EFCAB8: variants seen among roughly 807,000 people sequenced by gnomAD.
EFCAB8 encodes EF-hand calcium-binding domain-containing protein 8.
In EFCAB8, 100 loss-of-function variants were observed where a neutral mutation model predicts 116.3. The observed-to-expected ratio is 0.86, with a 90% CI of 0.73 to 1.02. EFCAB8 has a LOEUF of 1.02. Ranked by LOEUF, EFCAB8 falls within the 50% of genes least tolerant of loss-of-function variation. The probability of loss-of-function intolerance (pLI) is 0.00; values close to 1 mark genes in which losing one functional copy is unlikely to be tolerated. For missense variants in EFCAB8, 1,320 were observed against 1,416.9 expected (o/e 0.93, Z 1.10); for synonymous variants, 558 against 567.9 (o/e 0.98, Z 0.25).
At chr20:32,947,351 A>G (rs1355233624) in intron 23 of EFCAB8, among the ~76,000 whole-genome samples, 2 of 152,258 alleles carry the variant, frequency 1.3e-5, no homozygotes, top group African/African-American at 4.8e-5. Flanking sequence ...GAATAACACT[A>G]TCAAACAATT....
chr20:32,876,421 T>A (rs1319208569), intron 4 of EFCAB8, among the ~76,000 whole-genome samples: 1 of 152,200 alleles, frequency 6.6e-6, no homozygotes, highest in African/African-American at 2.4e-5. Context: ...AGCCTGTGGC[T>A]GTTACATCTA....
intron 5 of EFCAB8, among the ~76,000 whole-genome samples, chr20:32,880,761 G>A (rs552773158): frequency 1.3e-4 from 20 of 152,262 alleles, no homozygotes; most frequent in Admixed American, 3.3e-4. Flanking sequence ...AGGAACCTCC[G>A]TGTGTTCAGC....
chr20:32,907,004 G>T lies in EFCAB8; in HGVS notation c.1308+10G>T, dbSNP rs371834145. Reference sequence around the variant, plus strand: ...TGTCTCCAAGGACAAGGTCCGCCCCGACGGTCCGCCTGACTCCTTCTGTTC... The same window carrying T: ...TGTCTCCAAGGACAAGGTCCGCCCCTACGGTCCGCCTGACTCCTTCTGTTC... On this transcript the variant is annotated intron_variant, in intron 13 of 26. Coordinates refer to ENST00000400522, the MANE Select transcript of EFCAB8 (RefSeq NM_001143967.2). The T allele has an allele frequency of 2.0e-6, 3 of 1,495,248 alleles. No individual in the cohort carries two copies. The highest frequency in any genetic ancestry group is 2.7e-6 in the Non-Finnish European group (3 of 1,117,744). 92.6% of individuals were successfully genotyped at this position (1,495,248 alleles called of 1,614,324 possible). A position where few individuals can be genotyped will look rare whatever the true frequency, so the allele number is the denominator to read the frequency against.
rs991552441 is a variant in EFCAB8 at position 32,897,782 on chromosome 20, C to T, written c.958-711C>T. ...CAGGTCTCACTCAGTGTCTTGGATT[C>T]GGTGCCTTCATTGCGACAGATGCTT... On this transcript the variant is annotated intron_variant, in intron 10 of 26. Transcript: ENST00000400522. Among the ~76,000 whole-genome samples, 7 of 152,086 alleles carry T rather than the reference C, an allele frequency of 4.6e-5. No individual in the cohort carries two copies. The South Asian group carries it at 8.3e-4, about 18-fold the overall frequency.
chr20:32,872,657 G>A (rs956234433), intron 3 of EFCAB8, among the ~76,000 whole-genome samples: 4 of 151,788 alleles, frequency 2.6e-5, no homozygotes, highest in African/African-American at 9.7e-5. Context: ...AGCTGGGCAT[G>A]GTGGTGGGTG....
chr20:32,862,968 A>G (rs755967959), intron 1 of EFCAB8, among the ~76,000 whole-genome samples: 6 of 151,554 alleles, frequency 4.0e-5, no homozygotes, highest in Non-Finnish European at 8.8e-5. Context: ...CATTTTGTTC[A>G]GACTGTCTGG....
intron 10 of EFCAB8, 71 bp from the exon 11 acceptor site, chr20:32,898,422 C>A: frequency 1.5e-6 from 1 of 682,938 alleles, no homozygotes; most frequent in South Asian, 1.6e-5. Context: ...AGCACCTGGT[C>A]ATGTTCTGGG....
chr20:32,880,567 G>A (rs907552716), intron 5 of EFCAB8, among the ~76,000 whole-genome samples: 2 of 151,956 alleles, frequency 1.3e-5, no homozygotes, highest in South Asian at 2.1e-4. Flanking sequence ...CACTGTACCC[G>A]GCAATAACTT....
At chr20:32,902,096 T>A (rs1986456387) in intron 11 of EFCAB8, among the ~76,000 whole-genome samples, 2 of 152,218 alleles carry the variant, frequency 1.3e-5, no homozygotes, top group Non-Finnish European at 2.9e-5. Context: ...TAGTAGCTAG[T>A]CCACGTTAAT....
intron 20 of EFCAB8, among the ~76,000 whole-genome samples, chr20:32,925,263 A>T (rs535853428): frequency 7.9e-5 from 12 of 152,168 alleles, no homozygotes; most frequent in Non-Finnish European, 1.6e-4. Flanking sequence ...TCTGTTGTCC[A>T]GGCTGGAGTG....
At chr20:32,917,258 C>T (rs1987231538) in intron 17 of EFCAB8, 43 bp from the exon 18 acceptor site, 3 of 1,426,092 alleles carry the variant, frequency 2.1e-6, no homozygotes, top group South Asian at 1.3e-5. Context: ...TGGAGCATTA[C>T]AGGCTGAGCT....
chr20:32,868,854 A>C (rs1323502285), intron 3 of EFCAB8, among the ~76,000 whole-genome samples: 4 of 152,136 alleles, frequency 2.6e-5, no homozygotes, highest in Non-Finnish European at 5.9e-5. Flanking sequence ...GCGTGGTGGC[A>C]CGGGCCTCTA....
intron 11 of EFCAB8, among the ~76,000 whole-genome samples, chr20:32,902,124 A>G (rs17123850): frequency 0.029 from 4,491 of 152,300 alleles, 88 homozygotes; most frequent in South Asian, 0.054. Flanking sequence ...TAAGTACCTC[A>G]GAGTATCTTC....
intron 20 of EFCAB8, among the ~76,000 whole-genome samples, chr20:32,927,968 C>T (rs951750448): frequency 2.0e-5 from 3 of 152,100 alleles, no homozygotes; most frequent in Non-Finnish European, 4.4e-5. Context: ...AAACTATACC[C>T]ATTAAAAAAT....
chr20:32,960,217 A>G, intron 26 of EFCAB8, 56 bp downstream of exon 26: 2 of 1,487,108 alleles, frequency 1.3e-6, no homozygotes, highest in East Asian at 2.5e-5. Context: ...AGGGGATCCC[A>G]TGTCCACCAG....
At chr20:32,887,484 G>A (rs186217037) in intron 6 of EFCAB8, among the ~76,000 whole-genome samples, 179 of 152,306 alleles carry the variant, frequency 1.2e-3, no homozygotes, top group African/African-American at 4.1e-3. Flanking sequence ...GCTGAGGCAC[G>A]AGAATCACTG....
chr20:32,893,160 C>G lies in EFCAB8; in HGVS notation c.759-14C>G. On this transcript the variant is annotated splice_polypyrimidine_tract_variant and intron_variant, in intron 8 of 26. Coordinates refer to ENST00000400522, the MANE Select transcript of EFCAB8 (RefSeq NM_001143967.2). ...CCAGCCCACACAACCTCTTCCGTCT[C>G]CATCTTTCTGCAGGTCTGACTATCA... is the stretch of plus-strand genomic sequence containing the variant. The G allele has an allele frequency of 3.2e-6, 5 of 1,551,742 alleles. No individual in the cohort carries two copies. The highest frequency in any genetic ancestry group is 4.4e-6 in the Non-Finnish European group (5 of 1,146,948).
chr20:32,871,022 T>G (rs1314816748), intron 3 of EFCAB8, among the ~76,000 whole-genome samples: 1 of 151,678 alleles, frequency 6.6e-6, no homozygotes, highest in Admixed American at 6.6e-5. Flanking sequence ...CTGGCTAATT[T>G]TGGTATTTTC....
chr20:32,864,343 T>G (rs916315182), intron 2 of EFCAB8, among the ~76,000 whole-genome samples: 6 of 151,440 alleles, frequency 4.0e-5, no homozygotes, highest in Non-Finnish European at 1.5e-5. Flanking sequence ...CAGCACTTTG[T>G]GAGGTGAAGG....
Sources: allele counts gnomAD v4.1 joint callset (sites outside exome capture counted in the v4.1 genomes callset), GRCh38; gene constraint gnomAD v4.1.1; transcripts MANE v1.5; gene names NCBI Gene and HGNC (gene_info 2026-07-23, HGNC 2026-07-21).